Variants in XPR1 observed in about 807,000 individuals in gnomAD.
The protein encoded by XPR1 is solute carrier family 53 member 1.
XPR1 carries 28 observed loss-of-function variants against 87.5 expected under a neutral mutation model. The ratio of observed to expected loss-of-function variants is 0.32; its 90% CI spans 0.24 to 0.44. The LOEUF is 0.44. Among genes scored for constraint, XPR1 ranks in the 20% least tolerant of loss-of-function variants. The pLI is 1.00. For missense variants in XPR1, 559 were observed against 862.3 expected, an observed-to-expected ratio of 0.65 and a Z score of 4.41; for synonymous variants, 300 against 306.1, an observed-to-expected ratio of 0.98 and a Z score of 0.21.
chr1:180,818,984 C>G (rs941340975), intron 7 of XPR1, among the ~76,000 whole-genome samples: 5 of 152,118 alleles, frequency 3.3e-5, no homozygotes, highest in African/African-American at 1.2e-4. Flanking sequence ...GGGTCTCTCT[C>G]TGTTGCCCAG....
intron 2 of XPR1, among the ~76,000 whole-genome samples, chr1:180,736,114 G>A (rs1658721613): frequency 6.6e-6 from 1 of 152,316 alleles, no homozygotes; most frequent in South Asian, 2.1e-4. Flanking sequence ...AATATGATGG[G>A]AATGTAACAT....
chr1:180,881,235 C>G (rs1412075049), intron 14 of XPR1, among the ~76,000 whole-genome samples: 1 of 152,036 alleles, frequency 6.6e-6, no homozygotes, highest in Non-Finnish European at 1.5e-5. Flanking sequence ...GCAATCTCCA[C>G]TCACTGCAAG....
chr1:180,657,119 T>G (rs2101912386), intron 1 of XPR1, among the ~76,000 whole-genome samples: 1 of 152,342 alleles, frequency 6.6e-6, no homozygotes, highest in Middle Eastern at 3.4e-3. Flanking sequence ...ATATGCCTGT[T>G]TGCCATTTGC....
intron 2 of XPR1, among the ~76,000 whole-genome samples, chr1:180,744,721 G>C (rs1659031850): frequency 6.8e-6 from 1 of 147,708 alleles, no homozygotes; most frequent in Non-Finnish European, 1.5e-5. Context: ...CACGATCTCG[G>C]CTCACTGCAG....
intron 9 of XPR1, among the ~76,000 whole-genome samples, chr1:180,830,871 A>G (rs1651031586): frequency 6.6e-6 from 1 of 152,204 alleles, no homozygotes; most frequent in Non-Finnish European, 1.5e-5. Context: ...CTTCCACAGA[A>G]TATGTTAGGA....
At chr1:180,664,746 C>G (rs1320515879) in intron 1 of XPR1, among the ~76,000 whole-genome samples, 2 of 152,188 alleles carry the variant, frequency 1.3e-5, no homozygotes, top group African/African-American at 4.8e-5. Flanking sequence ...TGGCCTAGAC[C>G]AGCATTCCCC....
At position 180,778,809 on chromosome 1, in the gene XPR1, A is replaced by T. The variant is rs113463961; in HGVS notation, c.122-8944A>T. 4.6e-3 allele frequency among the ~76,000 whole-genome samples: 697 copies of T among 152,252 alleles called. 7 individuals are homozygous for T. The highest frequency in any genetic ancestry group is 0.016 in the African/African-American group (667 of 41,548). ...TCCTCCTCCTTCATTTGCACACCTAATTTCCTGGGAATTGCTATTTTAAAA... is the reference window on the plus strand; with the variant it reads ...TCCTCCTCCTTCATTTGCACACCTATTTTCCTGGGAATTGCTATTTTAAAA... On this transcript the variant is annotated intron_variant, in intron 2 of 14. Coordinates refer to ENST00000367590, the MANE Select transcript of XPR1 (RefSeq NM_004736.4).
chr1:180,652,095 C>G (rs928160106), intron 1 of XPR1, among the ~76,000 whole-genome samples: 35 of 152,112 alleles, frequency 2.3e-4, no homozygotes, highest in African/African-American at 8.0e-4. Flanking sequence ...AGTTTGAGAC[C>G]AGCCTGGTCA....
At chr1:180,860,869 A>G (rs1421410600) in intron 11 of XPR1, among the ~76,000 whole-genome samples, 1 of 152,036 alleles carries the variant, frequency 6.6e-6, no homozygotes, top group African/African-American at 2.4e-5. Context: ...TACCACTGTA[A>G]GAATTACACT....
At chr1:180,671,024 A>G (rs2101930710) in intron 1 of XPR1, among the ~76,000 whole-genome samples, 1 of 152,360 alleles carries the variant, frequency 6.6e-6, no homozygotes, top group East Asian at 1.9e-4. Flanking sequence ...AAAAAAAGGC[A>G]AAGATAGAAG....
intron 11 of XPR1, among the ~76,000 whole-genome samples, chr1:180,837,905 AC>A (rs1320591102): frequency 1.3e-5 from 2 of 152,142 alleles, no homozygotes; most frequent in Admixed American, 1.3e-4. Context: ...GTTATAAAGA[AC>A]CCTTTACTTT....
intron 1 of XPR1, among the ~76,000 whole-genome samples, chr1:180,661,470 A>G (rs1290656177): frequency 3.2e-5 from 3 of 92,328 alleles, no homozygotes; most frequent in Non-Finnish European, 6.5e-5. Flanking sequence ...GTATGTTTTA[A>G]TTTTTCGTGT....
chr1:180,873,361 A>G (rs1267986812), intron 12 of XPR1, among the ~76,000 whole-genome samples: 2 of 152,232 alleles, frequency 1.3e-5, no homozygotes, highest in Non-Finnish European at 2.9e-5. Context: ...TTCTTCAAAT[A>G]CAGGGTAAGG....
At chr1:180,704,584 C>G (rs577579915) in intron 2 of XPR1, among the ~76,000 whole-genome samples, 15 of 151,466 alleles carry the variant, frequency 9.9e-5, no homozygotes, top group Admixed American at 2.6e-4. Flanking sequence ...TTGTATATTT[C>G]AATATATTTG....
chr1:180,651,881 A>T (rs1403150346), intron 1 of XPR1, among the ~76,000 whole-genome samples: 1 of 152,228 alleles, frequency 6.6e-6, no homozygotes, highest in Non-Finnish European at 1.5e-5. Flanking sequence ...AAAAATAACA[A>T]TAGCTGACAC....
intron 7 of XPR1, 24 bp downstream of exon 7, chr1:180,811,512 A>C (rs764757252): frequency 6.3e-7 from 1 of 1,582,698 alleles, no homozygotes; most frequent in Non-Finnish European, 8.7e-7. Context: ...ATTTTGAATT[A>C]ATTTATTCTT....
At chr1:180,731,824 A>T (rs751764794) in intron 2 of XPR1, among the ~76,000 whole-genome samples, 2 of 152,210 alleles carry the variant, frequency 1.3e-5, no homozygotes, top group African/African-American at 2.4e-5. Context: ...CATTTCAGGT[A>T]TTCATGTAGC....
At chr1:180,787,142 A>G (rs1649176991) in intron 2 of XPR1, among the ~76,000 whole-genome samples, 1 of 152,024 alleles carries the variant, frequency 6.6e-6, no homozygotes, top group Admixed American at 6.6e-5. Flanking sequence ...TTACTTGATC[A>G]ATTCTGTCTA....
At chr1:180,744,534 G>T (rs1323107802) in intron 2 of XPR1, among the ~76,000 whole-genome samples, 1 of 151,778 alleles carries the variant, frequency 6.6e-6, no homozygotes, top group East Asian at 1.9e-4. Context: ...TTATTTGTAT[G>T]CCAGGTAATT....
Sources: gnomAD v4.1 joint callset for allele counts (sites outside exome capture counted in the v4.1 genomes callset) on GRCh38, gnomAD v4.1.1 for gene constraint, MANE v1.5 for transcripts, NCBI Gene and HGNC (gene_info 2026-07-23, HGNC 2026-07-21) for gene names.